FGF13: variants seen among roughly 807,000 people sequenced by gnomAD.
FGF13 encodes fibroblast growth factor 13.
In FGF13, 2 loss-of-function variants were observed where a neutral mutation model predicts 19.5. The observed-to-expected ratio is 0.10, with a 90% CI of 0.04 to 0.32. FGF13 has a LOEUF of 0.32. FGF13 is among the 10% of genes least tolerant of loss of function. The pLI, the probability that FGF13 is intolerant of heterozygous loss-of-function variation, is 1.00. For missense variants in FGF13, 113 were observed against 192.7 expected, an observed-to-expected ratio of 0.59 and a Z score of 2.45; for synonymous variants, 72 against 76.9, an observed-to-expected ratio of 0.94 and a Z score of 0.33.
intron 3 of FGF13, among the ~76,000 whole-genome samples, chrX:138,637,546 G>A (rs1295489289): frequency 8.9e-6 from 1 of 112,187 alleles, no homozygotes; most frequent in Non-Finnish European, 1.9e-5. Context: ...TCTAAGTCAG[G>A]TCCCAAAAAT....
At chrX:138,882,155 G>T (rs1428429918) in intron 1 of FGF13, among the ~76,000 whole-genome samples, 3 of 110,396 alleles carry the variant, frequency 2.7e-5, no homozygotes, top group Non-Finnish European at 1.9e-5. Context: ...TTCTGTTTTG[G>T]CTATTGGTTG....
At chrX:138,786,790 G>C (rs1156787636) in intron 3 of FGF13, among the ~76,000 whole-genome samples, 1 of 112,154 alleles carries the variant, frequency 8.9e-6, no homozygotes, top group Non-Finnish European at 1.9e-5. Flanking sequence ...TAACCTTTCT[G>C]TGCCTTCATA....
At position 138,766,502 on chromosome X, in the gene FGF13, C is replaced by T. The variant is rs1405542458; in HGVS notation, c.218-57574G>A. On this transcript the variant is annotated intron_variant, in intron 3 of 6. Coordinates refer to the FGF13 transcript ENST00000436198. ...ATGATTTCAGTGCAAACCCATTTCT[C>T]TTTGCTATTGCTAGTCAGAATGCTA... Among the ~76,000 whole-genome samples, 63 of 112,195 alleles carry T rather than the reference C, an allele frequency of 5.6e-4. 1 individual carries two copies. The Admixed American group carries it at 6.0e-3, about 11-fold the overall frequency.
At chrX:139,081,606 C>T (rs1160008921) in intron 1 of FGF13, among the ~76,000 whole-genome samples, 2 of 111,758 alleles carry the variant, frequency 1.8e-5, no homozygotes, top group African/African-American at 3.3e-5. Flanking sequence ...CTTTACTCAT[C>T]TGAAACTGAA....
chrX:139,023,131 C>T (rs2092184598), intron 1 of FGF13, among the ~76,000 whole-genome samples: 1 of 110,520 alleles, frequency 9.0e-6, no homozygotes. Flanking sequence ...ACTCATCAAT[C>T]ATTTCCTGTA....
intron 1 of FGF13, among the ~76,000 whole-genome samples, chrX:138,902,497 A>G (rs922130412): frequency 8.9e-6 from 1 of 111,981 alleles, no homozygotes; most frequent in Admixed American, 9.5e-5. Context: ...ATACTCTCAC[A>G]GTCTCATTTT....
At chrX:138,914,747 C>T (rs749557693) in intron 1 of FGF13, among the ~76,000 whole-genome samples, 14 of 109,025 alleles carry the variant, frequency 1.3e-4, no homozygotes, top group Non-Finnish European at 2.1e-4. Context: ...AAAGGCCCTG[C>T]TGAGAATTCC....
chrX:139,030,959 GT>G (rs2092224456), intron 1 of FGF13, among the ~76,000 whole-genome samples: 1 of 111,819 alleles, frequency 8.9e-6, no homozygotes, highest in African/African-American at 3.2e-5. Context: ...TAAAGATCTG[GT>G]TTTTGGAACA....
intron 1 of FGF13, among the ~76,000 whole-genome samples, chrX:138,871,370 G>C (rs769447942): frequency 1.8e-5 from 2 of 109,172 alleles, no homozygotes; most frequent in African/African-American, 3.5e-5. Context: ...TATAGAAGAT[G>C]GGGGGGGAAC....
intron 1 of FGF13, among the ~76,000 whole-genome samples, chrX:139,148,923 C>T (rs1448167595): frequency 2.7e-5 from 3 of 111,431 alleles, no homozygotes; most frequent in Non-Finnish European, 5.7e-5. Flanking sequence ...AGGAATTTGT[C>T]AGACAATGAG....
intron 3 of FGF13, among the ~76,000 whole-genome samples, chrX:138,675,854 G>C (rs777534200): frequency 6.3e-5 from 7 of 110,963 alleles, no homozygotes; most frequent in Non-Finnish European, 1.1e-4. Context: ...GGGCATAAAC[G>C]TAAGAATCAC....
chrX:139,083,882 A>G (rs2083386746), intron 1 of FGF13, among the ~76,000 whole-genome samples: 1 of 110,645 alleles, frequency 9.0e-6, no homozygotes, highest in South Asian at 3.9e-4. Context: ...AAAAATAAAT[A>G]AATAAAAAAG....
chrX:138,664,560 A>T lies in FGF13; in HGVS notation c.403-28905T>A, dbSNP rs762920465. On this transcript the variant is annotated intron_variant, in intron 3 of 4. Transcript: ENST00000315930. ...CTTCAAACACTAGTTTGCATGTGTGAGAGAGAGAGAGAGAGAGAGAAAAGG... is the reference window on the plus strand; with the variant it reads ...CTTCAAACACTAGTTTGCATGTGTGTGAGAGAGAGAGAGAGAGAGAAAAGG... Among the ~76,000 whole-genome samples, 299 of 103,814 alleles carry T rather than the reference A, an allele frequency of 2.9e-3. 2 individuals carry two copies. The highest frequency in any genetic ancestry group is 6.6e-3 in the South Asian group (16 of 2,426). 90.1% of individuals were successfully genotyped at this position (103,814 alleles called of 115,157 possible).
chrX:138,851,279 G>A (rs1194889774), intron 3 of FGF13, among the ~76,000 whole-genome samples: 1 of 111,533 alleles, frequency 9.0e-6, no homozygotes, highest in Non-Finnish European at 1.9e-5. Context: ...TGGGTCAAAT[G>A]GTATTTCTGG....
intron 1 of FGF13, among the ~76,000 whole-genome samples, chrX:139,095,693 A>T (rs1053637419): frequency 6.2e-5 from 7 of 112,058 alleles, no homozygotes; most frequent in Non-Finnish European, 9.4e-5. Context: ...ACTTGGCACA[A>T]TACTTGGAAT....
At chrX:139,153,304 G>C (rs1048245794) in intron 1 of FGF13, among the ~76,000 whole-genome samples, 4 of 108,265 alleles carry the variant, frequency 3.7e-5, no homozygotes, top group Non-Finnish European at 5.7e-5. Context: ...GTTGCCACAT[G>C]GTTTTTCAAC....
At chrX:138,988,467 T>C (rs2092002277) in intron 1 of FGF13, among the ~76,000 whole-genome samples, 1 of 112,511 alleles carries the variant, frequency 8.9e-6, no homozygotes, top group South Asian at 3.6e-4. Flanking sequence ...AATCATGTTC[T>C]ATAAAAATGT....
intron 2 of FGF13, among the ~76,000 whole-genome samples, chrX:138,863,021 C>G (rs905625367): frequency 9.0e-6 from 1 of 110,637 alleles, no homozygotes; most frequent in African/African-American, 3.3e-5. Flanking sequence ...CCATTAGTAT[C>G]TAGAATATGC....
intron 1 of FGF13, among the ~76,000 whole-genome samples, chrX:138,960,853 C>T (rs1294100912): frequency 1.8e-5 from 2 of 111,940 alleles, no homozygotes; most frequent in African/African-American, 6.5e-5. Flanking sequence ...TAGTTTTCAA[C>T]TCCATCAGGT....
Sources: allele counts gnomAD v4.1 joint callset (sites outside exome capture counted in the v4.1 genomes callset), GRCh38; gene constraint gnomAD v4.1.1; transcripts MANE v1.5; gene names NCBI Gene and HGNC (gene_info 2026-07-23, HGNC 2026-07-21).